The following CSNK2A1 variants were observed in gnomAD, a reference collection of about 807,000 sequenced individuals.
The protein encoded by CSNK2A1 is casein kinase II subunit alpha.
CSNK2A1 carries 10 observed loss-of-function variants against 62.9 expected under a neutral mutation model. That is an observed-to-expected ratio of 0.16 (90% CI 0.10 to 0.27). The LOEUF is 0.27. Ranked by LOEUF, CSNK2A1 falls within the 10% of genes least tolerant of loss-of-function variation. The pLI is 1.00. For missense variants in CSNK2A1, 160 were observed against 492.0 expected (o/e 0.33, Z 6.38); for synonymous variants, 124 against 167.8 (o/e 0.74, Z 2.02).
At position 541,714 on chromosome 20, in the gene CSNK2A1, CTG is replaced by C. The variant is rs1051248723; in HGVS notation, c.-227+1956_-227+1957del. Among the ~76,000 whole-genome samples the C allele has an allele frequency of 5.3e-5, 8 of 152,194 alleles. 1 individual carries two copies. The highest frequency in any genetic ancestry group is 5.2e-4 in the Admixed American group (8 of 15,286). The stretch of plus-strand genomic sequence containing the variant: ...CTCCTTAAATGTGTATTTCTCTTCT[CTG>C]TATTCCACAAAGGAGTACATAACTA... On this transcript the variant is annotated intron_variant, in intron 1 of 13. Coordinates refer to ENST00000217244, the MANE Select transcript of CSNK2A1 (RefSeq NM_177559.3).
chr20:485,066 C>CAAAAAAA (rs1157352244), intron 13 of CSNK2A1, among the ~76,000 whole-genome samples: 1 of 22,032 alleles, frequency 4.5e-5, no homozygotes, highest in Non-Finnish European at 7.5e-5. Context: ...ACCTTGTCTC[C>CAAAAAAA]AAAAAAAAAA....
intron 12 of CSNK2A1, chr20:486,880 C>A (rs918795939): frequency 2.2e-5 from 4 of 185,568 alleles, no homozygotes; most frequent in Non-Finnish European, 3.4e-5. Context: ...CATTCTCTAT[C>A]CCAATCAGCC....
At chr20:489,710 A>C in intron 10 of CSNK2A1, 70 bp downstream of exon 10, 2 of 1,292,480 alleles carry the variant, frequency 1.5e-6, no homozygotes, top group Non-Finnish European at 2.1e-6. Flanking sequence ...AGTGAACTGA[A>C]AGTTACAGGC....
At chr20:489,529 T>A in intron 10 of CSNK2A1, 1 of 422,586 alleles carries the variant, frequency 2.4e-6, no homozygotes, top group East Asian at 3.3e-5. Context: ...AGGAGAATTC[T>A]AAGGTAATGT....
chr20:485,102 A>ATAATAATAATAATAAT (rs2018058648), intron 13 of CSNK2A1, among the ~76,000 whole-genome samples: 3 of 50,544 alleles, frequency 5.9e-5, no homozygotes, highest in African/African-American at 2.2e-4. Flanking sequence ...AAAAAAAAAA[A>ATAATAATAATAATAAT]AAAAAAAATA....
intron 2 of CSNK2A1, among the ~76,000 whole-genome samples, chr20:525,353 A>G (rs1268757485): frequency 6.6e-6 from 1 of 151,802 alleles, no homozygotes; most frequent in Non-Finnish European, 1.5e-5. Flanking sequence ...CTCTATAAAA[A>G]TAAAAATTTT....
intron 8 of CSNK2A1, among the ~76,000 whole-genome samples, chr20:493,587 A>C (rs1249243860): frequency 7.9e-5 from 12 of 152,230 alleles, no homozygotes; most frequent in Non-Finnish European, 1.5e-5. Context: ...TAACTACAGT[A>C]CAATATCAAA....
chr20:543,022 T>C (rs1026180566), intron 1 of CSNK2A1: 7 of 152,352 alleles, frequency 4.6e-5, no homozygotes, highest in African/African-American at 1.7e-4. Flanking sequence ...CACCAACATA[T>C]GTATACCCTT....
Position 510,855 on chromosome 20 carries a change from C to G in CSNK2A1, c.-109-2195G>C, listed in dbSNP as rs117551934. ...CCTCTGCCTCCCAAGTAGTTGGGAC[C>G]ACAGGCGTGGGCTACCACAGCTGGC... On this transcript the variant is annotated intron_variant, in intron 2 of 13. Coordinates refer to ENST00000217244, the MANE Select transcript of CSNK2A1 (RefSeq NM_177559.3). Among the ~76,000 whole-genome samples, 699 of 152,000 alleles carry G rather than the reference C, an allele frequency of 4.6e-3. 16 individuals carry two copies. In the East Asian group the frequency reaches 0.085, roughly 18 times the overall value.
At chr20:497,078 T>C (rs2018360564) in intron 7 of CSNK2A1, among the ~76,000 whole-genome samples, 1 of 152,206 alleles carries the variant, frequency 6.6e-6, no homozygotes, top group Admixed American at 6.5e-5. Flanking sequence ...TTTTTCAAAT[T>C]GTTCTAAATT....
At chr20:512,082 G>C (rs999858717) in intron 2 of CSNK2A1, among the ~76,000 whole-genome samples, 1 of 151,908 alleles carries the variant, frequency 6.6e-6, no homozygotes, top group Non-Finnish European at 1.5e-5. Context: ...TAGAGACAGG[G>C]GTCTTGCTTA....
At chr20:492,465 T>C (rs2018256353) in intron 8 of CSNK2A1, 101 bp from the exon 9 acceptor site, 9 of 1,118,078 alleles carry the variant, frequency 8.0e-6, no homozygotes, top group Non-Finnish European at 1.2e-5. Context: ...CGTCACTCTT[T>C]ACTGAAACCC....
chr20:502,584 C>T (rs2018493809), intron 4 of CSNK2A1: 1 of 152,184 alleles, frequency 6.6e-6, no homozygotes, highest in South Asian at 2.1e-4. Flanking sequence ...GGAAATTCAT[C>T]TATACTTACA....
At chr20:541,135 A>C (rs919171401) in intron 1 of CSNK2A1, 2 of 152,186 alleles carry the variant, frequency 1.3e-5, no homozygotes, top group South Asian at 2.1e-4. Context: ...TCATGCTTCA[A>C]ATCTCTGATT....
At chr20:524,710 A>G (rs1196233078) in intron 2 of CSNK2A1, among the ~76,000 whole-genome samples, 4 of 23,968 alleles carry the variant, frequency 1.7e-4, no homozygotes, top group African/African-American at 5.3e-4. Flanking sequence ...CTCCATCTCA[A>G]AAAAAAAAAA....
At chr20:497,480 A>T (rs2018368856) in intron 7 of CSNK2A1, among the ~76,000 whole-genome samples, 1 of 151,132 alleles carries the variant, frequency 6.6e-6, no homozygotes, top group South Asian at 2.1e-4. Context: ...AGAGATGGGG[A>T]TCTCACTATG....
At chr20:512,365 A>C (rs1000356280) in intron 2 of CSNK2A1, among the ~76,000 whole-genome samples, 1 of 152,148 alleles carries the variant, frequency 6.6e-6, no homozygotes, top group Non-Finnish European at 1.5e-5. Flanking sequence ...TGTCTATTCA[A>C]AGCTGTTGTC....
chr20:531,854 A>G (rs927443269), intron 1 of CSNK2A1, among the ~76,000 whole-genome samples: 9 of 152,240 alleles, frequency 5.9e-5, no homozygotes, highest in African/African-American at 1.7e-4. Flanking sequence ...ATTCAGAGTT[A>G]GTCAGGTAGA....
rs1053708136 is a variant in CSNK2A1 at position 508,137 on chromosome 20, C to G, written c.101+314G>C. 1.4e-5 allele frequency: 3 copies of G among 208,862 alleles called. No homozygotes were observed. The Admixed American group carries it at 1.7e-4, about 12-fold the overall frequency. 12.9% of individuals were successfully genotyped at this position (208,862 alleles called of 1,614,324 possible). ...TCAGCTCTCTTATAATCTTATGGAA[C>G]CACTGTCCTACATGTGGTCTGTCAT... On this transcript the variant is annotated intron_variant, in intron 3 of 13. Transcript: ENST00000217244.
Sources: gnomAD v4.1 joint callset for allele counts (sites outside exome capture counted in the v4.1 genomes callset) on GRCh38, gnomAD v4.1.1 for gene constraint, MANE v1.5 for transcripts, NCBI Gene and HGNC (gene_info 2026-07-23, HGNC 2026-07-21) for gene names.